GLYATL1: variants seen among roughly 807,000 people sequenced by gnomAD.
The protein encoded by GLYATL1 is glycine-N-acyltransferase like 1.
Under a neutral mutation model 20.0 loss-of-function variants are expected in GLYATL1, and 15 were observed. That is an observed-to-expected ratio of 0.75 (90% confidence interval 0.50 to 1.15). The LOEUF (loss-of-function observed/expected upper bound fraction) is 1.15. Among genes scored for constraint, GLYATL1 ranks in the 50% most tolerant of loss-of-function variants. The pLI is 0.00. For missense variants in GLYATL1, 380 were observed against 368.5 expected (o/e 1.03, Z -0.26); for synonymous variants, 151 against 131.5 (o/e 1.15, Z -1.01).
chr11:58,939,444 T>C (rs2135166183), upstream of GLYATL1: 1 of 152,352 alleles, frequency 6.6e-6, no homozygotes, highest in East Asian at 1.9e-4. Flanking sequence ...ACCCCTGGTG[T>C]TTCAGTAACA....
At chr11:58,941,776 G>A (rs1326802464) in intron 1 of GLYATL1, among the ~76,000 whole-genome samples, 1 of 152,220 alleles carries the variant, frequency 6.6e-6, no homozygotes, top group African/African-American at 2.4e-5. Context: ...ATGTCAGGGA[G>A]GTGACTGGAG....
intron 2 of GLYATL1, among the ~76,000 whole-genome samples, chr11:58,945,731 A>T (rs1439230641): frequency 1.3e-5 from 2 of 152,124 alleles, no homozygotes; most frequent in Non-Finnish European, 2.9e-5. Flanking sequence ...GAAGAAAAAG[A>T]CCATTTTTTT....
At chr11:58,949,849 A>T (rs764661027) in intron 4 of GLYATL1, among the ~76,000 whole-genome samples, 1 of 152,092 alleles carries the variant, frequency 6.6e-6, no homozygotes, top group Admixed American at 6.6e-5. Context: ...CTAGAAAAAA[A>T]TTAATTTTTT....
Position 58,947,170 on chromosome 11 carries a change from G to T in GLYATL1, c.78+5G>T. On this transcript the variant is annotated splice_donor_5th_base_variant and intron_variant, in intron 3 of 6. Transcript: ENST00000532726. ...AGCATCCCTGAGTCCCTGAAGGTCAGGGAACAGTGGGAGGTCAGGGTATGG... is the reference window on the plus strand; with the variant it reads ...AGCATCCCTGAGTCCCTGAAGGTCATGGAACAGTGGGAGGTCAGGGTATGG... 1.2e-6 allele frequency: 2 copies of T among 1,613,566 alleles called. No individual in the cohort carries two copies. Among genetic ancestry groups the T allele is most frequent in the Non-Finnish European group, 8.5e-7 (1 of 1,179,860 alleles).
chr11:58,914,211 G>T (rs1565117226), intron 1 of GLYATL1, among the ~76,000 whole-genome samples: 1 of 152,140 alleles, frequency 6.6e-6, no homozygotes, highest in Non-Finnish European at 1.5e-5. Flanking sequence ...ACACCTGCAG[G>T]TCCCACCCTC....
At chr11:58,919,128 T>C (rs1047838177) in intron 1 of GLYATL1, among the ~76,000 whole-genome samples, 1 of 152,256 alleles carries the variant, frequency 6.6e-6, no homozygotes, top group Non-Finnish European at 1.5e-5. Flanking sequence ...GTCAGACTTA[T>C]AGGCATTCTT....
In GLYATL1 at chr11:58,955,265, A is replaced by G; in HGVS notation, c.403A>G (p.Thr135Ala). The change falls in exon 6 of 7, where the codon ACG becomes GCG. Residue 135 changes from threonine to alanine, a missense_variant. Coordinates refer to ENST00000532726, the MANE Select transcript of GLYATL1 (RefSeq NM_001389712.2). ...GCATTCGAGAGCACTCCTCTTGGTT[A>G]CGGAAGATATTCTGAAGCTCAATGC... Reference protein sequence around the residue: ...VEHSRALLLVTEDILKLNASS... With the variant: ...VEHSRALLLVAEDILKLNASS... 1 of 1,614,158 alleles carries G rather than the reference A, an allele frequency of 6.2e-7. No homozygotes were observed. Among genetic ancestry groups the G allele is most frequent in the Non-Finnish European group, 8.5e-7 (1 of 1,179,978 alleles).
At chr11:58,941,666 G>A (rs985526221) in intron 1 of GLYATL1, among the ~76,000 whole-genome samples, 6 of 152,148 alleles carry the variant, frequency 3.9e-5, no homozygotes, top group African/African-American at 1.4e-4. Context: ...AGTTTTTATA[G>A]GTCTAATAAG....
intron 4 of GLYATL1, among the ~76,000 whole-genome samples, chr11:58,950,113 C>CAAAAAAAA (rs56725794): frequency 3.3e-4 from 25 of 75,980 alleles, no homozygotes; most frequent in East Asian, 1.3e-3. Flanking sequence ...ACTAAAAATA[C>CAAAAAAAA]AAAAAAAAAA....
chr11:58,931,980 C>T (rs1855619765), intron 1 of GLYATL1, among the ~76,000 whole-genome samples: 1 of 151,648 alleles, frequency 6.6e-6, no homozygotes, highest in Admixed American at 6.6e-5. Flanking sequence ...GGCGTGGTGG[C>T]ATGCACCTGT....
At chr11:58,944,800 A>C (rs962864960) in intron 2 of GLYATL1, among the ~76,000 whole-genome samples, 7 of 151,994 alleles carry the variant, frequency 4.6e-5, no homozygotes, top group Non-Finnish European at 1.5e-5. Context: ...ATTTCTCTTT[A>C]GTGGACATTA....
At chr11:58,918,760 T>C (rs913303056) in intron 1 of GLYATL1, among the ~76,000 whole-genome samples, 3 of 152,246 alleles carry the variant, frequency 2.0e-5, no homozygotes, top group Non-Finnish European at 4.4e-5. Flanking sequence ...GTGCATAGAC[T>C]AGTCAGCTTC....
chr11:58,915,729 T>C (rs1855155707), intron 1 of GLYATL1, among the ~76,000 whole-genome samples: 1 of 152,188 alleles, frequency 6.6e-6, no homozygotes, highest in South Asian at 2.1e-4. Context: ...GTGGAATCCT[T>C]GCTCTCCAAT....
Position 58,943,222 on chromosome 11 carries a change from A to C in GLYATL1, c.-166-321A>C, listed in dbSNP as rs984836881. 3.2e-5 allele frequency: 47 copies of C among 1,447,770 alleles called. 1 individual carries two copies. In the Middle Eastern group the frequency reaches 2.3e-3, roughly 72 times the overall value. 89.7% of individuals were successfully genotyped at this position (1,447,770 alleles called of 1,614,324 possible). On this transcript the variant is annotated intron_variant, in intron 1 of 6. Transcript: ENST00000532726. ...TCAGACAAAATTGAAAACCTAATTT[A>C]GTAGTGTGCACCTGTAACAATACTC...
At chr11:58,920,139 T>G (rs1487989156) in intron 1 of GLYATL1, among the ~76,000 whole-genome samples, 2 of 152,184 alleles carry the variant, frequency 1.3e-5, no homozygotes, top group African/African-American at 4.8e-5. Context: ...TCCTGTTCCT[T>G]TAGCTTCTAG....
downstream of GLYATL1, among the ~76,000 whole-genome samples, chr11:58,909,984 A>G (rs1010994758): frequency 6.6e-6 from 1 of 152,120 alleles, no homozygotes; most frequent in Non-Finnish European, 1.5e-5. Flanking sequence ...AGCTGCAGTA[A>G]TATCAGATGT....
chr11:58,916,429 C>T (rs906012506), intron 1 of GLYATL1, among the ~76,000 whole-genome samples: 1 of 152,196 alleles, frequency 6.6e-6, no homozygotes, highest in Non-Finnish European at 1.5e-5. Context: ...TGGCCTTTTA[C>T]ATATATTATC....
At chr11:58,935,275 A>C (rs1164128816), upstream of GLYATL1, 5 of 152,234 alleles carry the variant, frequency 3.3e-5, no homozygotes, top group Non-Finnish European at 2.9e-5. Context: ...AGTTTCGGGC[A>C]ATAGTCGCAT....
intron 4 of GLYATL1, among the ~76,000 whole-genome samples, chr11:58,950,298 A>C (rs1856898476): frequency 6.6e-6 from 1 of 151,856 alleles, no homozygotes; most frequent in Admixed American, 6.6e-5. Context: ...TCTAAAAAAA[A>C]AAAAACAAAA....
Sources: allele counts gnomAD v4.1 joint callset (sites outside exome capture counted in the v4.1 genomes callset), GRCh38; gene constraint gnomAD v4.1.1; transcripts MANE v1.5; gene names NCBI Gene and HGNC (gene_info 2026-07-23, HGNC 2026-07-21).